Variants in RAPGEF2 observed in about 807,000 individuals in gnomAD.
The protein encoded by RAPGEF2 is PDZ domain containing guanine nucleotide exchange factor (GEF) 1.
RAPGEF2 carries 54 observed loss-of-function variants against 186.7 expected under a neutral mutation model. That is an observed-to-expected ratio of 0.29 (90% CI 0.23 to 0.36). RAPGEF2 has a LOEUF of 0.36. Ranked by LOEUF, RAPGEF2 falls within the 10% of genes least tolerant of loss-of-function variation. The probability of loss-of-function intolerance (pLI) is 1.00; values close to 1 mark genes in which losing one functional copy is unlikely to be tolerated. For missense variants in RAPGEF2, 1,532 were observed against 2,045.0 expected, an observed-to-expected ratio of 0.75 and a Z score of 4.84; for synonymous variants, 712 against 705.9, an observed-to-expected ratio of 1.01 and a Z score of -0.14.
At chr4:159,302,233 TAGTC>T (rs1267108998) in intron 7 of RAPGEF2, among the ~76,000 whole-genome samples, 2 of 152,158 alleles carry the variant, frequency 1.3e-5, no homozygotes, top group Non-Finnish European at 2.9e-5. Flanking sequence ...AGTGAATTCT[TAGTC>T]AGGGAAGATG....
chr4:159,124,685 T>A (rs1475557960), intron 1 of RAPGEF2, among the ~76,000 whole-genome samples: 1 of 152,098 alleles, frequency 6.6e-6, no homozygotes, highest in Admixed American at 6.5e-5. Context: ...AAGACAAAGC[T>A]CTTTTGTCTG....
chr4:159,335,152 A>C (rs887263291), intron 17 of RAPGEF2, among the ~76,000 whole-genome samples: 3 of 152,176 alleles, frequency 2.0e-5, no homozygotes, highest in Non-Finnish European at 2.9e-5. Flanking sequence ...GCCTTAGAGA[A>C]GCTAAGATGC....
In RAPGEF2 at chr4:159,340,912, C is replaced by G. The variant is rs1337047474; in HGVS notation, c.2535-652C>G. 2.0e-5 allele frequency among the ~76,000 whole-genome samples: 3 copies of G among 152,322 alleles called. No homozygotes were observed. The South Asian group carries it at 6.2e-4, about 32-fold the overall frequency. ...GTTCCCATTTTGGCACCGGCATTAA[C>G]TAGTCAACCTTTAGGAGCCTGTTTC... On this transcript the variant is annotated intron_variant, in intron 19 of 29. Transcript: ENST00000691494.
chr4:159,118,957 C>G (rs1343066337), intron 1 of RAPGEF2, among the ~76,000 whole-genome samples: 3 of 152,162 alleles, frequency 2.0e-5, no homozygotes, highest in African/African-American at 4.8e-5. Context: ...TACTGTTTTT[C>G]AGTAGTTGAT....
intron 8 of RAPGEF2, among the ~76,000 whole-genome samples, chr4:159,309,591 G>C (rs1487308887): frequency 1.3e-5 from 2 of 152,136 alleles, no homozygotes; most frequent in African/African-American, 4.8e-5. Flanking sequence ...AGTTGAAAAA[G>C]GGTTACCTTA....
chr4:159,297,191 T>C (rs1762128307), intron 7 of RAPGEF2, among the ~76,000 whole-genome samples: 1 of 152,216 alleles, frequency 6.6e-6, no homozygotes, highest in Non-Finnish European at 1.5e-5. Flanking sequence ...TCTAAAACAT[T>C]ATCATAATAT....
chr4:159,153,852 A>G (rs1447319003), intron 1 of RAPGEF2, among the ~76,000 whole-genome samples: 1 of 152,226 alleles, frequency 6.6e-6, no homozygotes, highest in Non-Finnish European at 1.5e-5. Context: ...ATAAAACAGA[A>G]TTAGCTAACC....
In RAPGEF2 at chr4:159,340,667, CCACACACACA is replaced by C. The variant is rs3071283; in HGVS notation, c.2535-866_2535-857del. Among the ~76,000 whole-genome samples, 55 of 76,868 alleles carry C rather than the reference CCACACACACA, an allele frequency of 7.2e-4. 2 individuals are homozygous for C. The highest frequency in any genetic ancestry group is 5.6e-3 in the East Asian group (20 of 3,548). The allele number at this position is 76,868 out of a possible 152,430, so 50.4% of individuals were successfully genotyped here. On this transcript the variant is annotated intron_variant, in intron 19 of 29. Transcript: ENST00000691494. ...AAAACAAAAAATACCACCACCATCA[CCACACACACA>C]CACACACACACACACACACACACAC...
intron 1 of RAPGEF2, among the ~76,000 whole-genome samples, chr4:159,112,786 C>T (rs1738635916): frequency 6.6e-6 from 1 of 152,094 alleles, no homozygotes; most frequent in Non-Finnish European, 1.5e-5. Flanking sequence ...AAAATATCAT[C>T]ATAGATCAGT....
Position 159,352,809 on chromosome 4 carries a change from T to A in RAPGEF2, c.3990T>A (p.Asp1330Glu), listed in dbSNP as rs369989338. ...ACTCAGTGCCAGTCTCACTGCACGA[T>A]GAGAGGCGCCAGAGGCATTCTGTCA... is the stretch of plus-strand genomic sequence containing the variant. ...SFDSVPVSLH[D>E]ERRQRHSVSI... Residue 1330 changes from aspartate to glutamate, a missense_variant, in exon 27 of 30, where the codon GAT (aspartate) becomes GAA (glutamate). By Grantham distance (45) the Asp-to-Glu change is conservative. Coordinates refer to ENST00000691494, the MANE Select transcript of RAPGEF2 (RefSeq NM_001394067.2). 85 of 1,614,104 alleles carry A rather than the reference T, an allele frequency of 5.3e-5. No homozygotes were observed. The highest frequency in any genetic ancestry group is 1.7e-5 in the Admixed American group (1 of 60,002).
Position 159,346,834 on chromosome 4 carries a change from C to G in RAPGEF2, c.3548C>G (p.Ser1183Cys), listed in dbSNP as rs1307535642. ...GDKKPVKSET[S>C]PVAPRAGSQQ... ...AAAAAGCCTGTCAAATCCGAGACCTCTCCAGTAGCTCCAAGGGCAGGGTCA... is the reference window on the plus strand; with the variant it reads ...AAAAAGCCTGTCAAATCCGAGACCTGTCCAGTAGCTCCAAGGGCAGGGTCA... The change falls in exon 25 of 30, where the codon TCT becomes TGT. Residue 1183 changes from serine to cysteine, a missense_variant. Ser to Cys is a moderately radical substitution (Grantham distance 112, BLOSUM62 -1). Transcript: ENST00000691494. 2.5e-6 allele frequency: 4 copies of G among 1,614,232 alleles called. No individual in the cohort carries two copies. The highest frequency in any genetic ancestry group is 3.4e-6 in the Non-Finnish European group (4 of 1,180,042).
intron 1 of RAPGEF2, among the ~76,000 whole-genome samples, chr4:159,127,632 A>G (rs868536503): frequency 2.6e-5 from 4 of 152,346 alleles, no homozygotes; most frequent in Middle Eastern, 6.8e-3. Flanking sequence ...CTCAAAGGTT[A>G]AACTACCTTT....
At chr4:159,343,849 T>C (rs1028609938) in intron 22 of RAPGEF2, among the ~76,000 whole-genome samples, 187 bp from the exon 23 acceptor site, 1 of 152,222 alleles carries the variant, frequency 6.6e-6, no homozygotes, top group African/African-American at 2.4e-5. Flanking sequence ...AAAATTTAAA[T>C]GTATGTGTCT....
intron 7 of RAPGEF2, among the ~76,000 whole-genome samples, chr4:159,295,024 A>G (rs986139340): frequency 1.6e-4 from 24 of 152,330 alleles, no homozygotes; most frequent in Admixed American, 2.6e-4. Flanking sequence ...ATGAAGTGCA[A>G]CATCTGGGCT....
At chr4:159,316,307 A>G (rs1764599290) in intron 9 of RAPGEF2, among the ~76,000 whole-genome samples, 1 of 152,142 alleles carries the variant, frequency 6.6e-6, no homozygotes, top group South Asian at 2.1e-4. Context: ...TAATGATTTT[A>G]TATATAATCA....
At chr4:159,351,985 G>C (rs1731252419) in intron 26 of RAPGEF2, among the ~76,000 whole-genome samples, 1 of 152,150 alleles carries the variant, frequency 6.6e-6, no homozygotes, top group South Asian at 2.1e-4. Context: ...CCCTGCCATT[G>C]TGTCTTTCAA....
intron 1 of RAPGEF2, among the ~76,000 whole-genome samples, chr4:159,141,436 T>G (rs79928299): frequency 0.021 from 3,134 of 152,138 alleles, 107 homozygotes; most frequent in African/African-American, 0.071. Flanking sequence ...GGATGAACAT[T>G]TAGCTTGTTT....
intron 12 of RAPGEF2, 29 bp from the exon 13 acceptor site, chr4:159,330,302 TATG>T: frequency 9.5e-6 from 12 of 1,267,374 alleles, no homozygotes; most frequent in Non-Finnish European, 1.3e-5. Context: ...TGTGTATATA[TATG>T]TAGTAATTAA....
At chr4:159,276,338 A>G (rs1758867506) in intron 7 of RAPGEF2, among the ~76,000 whole-genome samples, 1 of 152,198 alleles carries the variant, frequency 6.6e-6, no homozygotes, top group Non-Finnish European at 1.5e-5. Context: ...TTAAATGGCA[A>G]CTTAAAGATA....
Sources: gnomAD v4.1 joint callset for allele counts (sites outside exome capture counted in the v4.1 genomes callset) on GRCh38, gnomAD v4.1.1 for gene constraint, MANE v1.5 for transcripts, NCBI Gene and HGNC (gene_info 2026-07-23, HGNC 2026-07-21) for gene names.